ITPR1: variants seen among roughly 807,000 people sequenced by gnomAD.
ITPR1 encodes the protein inositol 1,4,5-trisphosphate-gated calcium channel ITPR1.
Under a neutral mutation model 318.4 loss-of-function variants are expected in ITPR1, and 96 were observed. The observed-to-expected ratio is 0.30, with a 90% CI of 0.26 to 0.36. The LOEUF (loss-of-function observed/expected upper bound fraction) is 0.36. Among genes scored for constraint, ITPR1 ranks in the 10% least tolerant of loss-of-function variants. The pLI is 1.00. For missense variants in ITPR1, 2,440 were observed against 3,460.2 expected, an observed-to-expected ratio of 0.71 and a Z score of 7.40; for synonymous variants, 1,312 against 1,289.9, an observed-to-expected ratio of 1.02 and a Z score of -0.37.
intron 60 of ITPR1, among the ~76,000 whole-genome samples, chr3:4,828,002 G>A (rs12491098): frequency 0.14 from 20,952 of 151,602 alleles, 1,671 homozygotes; most frequent in South Asian, 0.25. Flanking sequence ...GTGTCTAGGC[G>A]GGACTGACCT....
intron 39 of ITPR1, among the ~76,000 whole-genome samples, chr3:4,712,609 C>G (rs752967681): frequency 6.6e-6 from 1 of 152,234 alleles, no homozygotes; most frequent in African/African-American, 2.4e-5. Context: ...GCTGATATCA[C>G]TGACTTATCA....
At chr3:4,835,251 G>C (rs2050814245) in intron 60 of ITPR1, among the ~76,000 whole-genome samples, 1 of 152,090 alleles carries the variant, frequency 6.6e-6, no homozygotes, top group African/African-American at 2.4e-5. Flanking sequence ...TCAAGATACA[G>C]CTCAATGATC....
intron 2 of ITPR1, among the ~76,000 whole-genome samples, chr3:4,511,562 T>C (rs1274828401): frequency 6.6e-6 from 1 of 152,246 alleles, no homozygotes; most frequent in Non-Finnish European, 1.5e-5. Flanking sequence ...GCATGCCTAC[T>C]TCACGCCAGA....
intron 17 of ITPR1, among the ~76,000 whole-genome samples, chr3:4,666,771 C>T (rs939140182): frequency 6.6e-6 from 1 of 152,172 alleles, no homozygotes; most frequent in African/African-American, 2.4e-5. Flanking sequence ...AAGAGATTTC[C>T]TTGAGTTCAC....
chr3:4,752,235 C>G (rs2044586741), intron 44 of ITPR1, among the ~76,000 whole-genome samples: 2 of 152,202 alleles, frequency 1.3e-5, no homozygotes, highest in African/African-American at 2.4e-5. Context: ...AGCCTCCTTG[C>G]AACACAAACC....
intron 10 of ITPR1, 196 bp downstream of exon 10, chr3:4,645,924 C>G (rs1366520882): frequency 7.5e-6 from 4 of 530,892 alleles, no homozygotes; most frequent in Non-Finnish European, 1.3e-5. Context: ...GTACTTATAC[C>G]CACCTTATTC....
chr3:4,649,365 A>G (rs1377299627), intron 10 of ITPR1, among the ~76,000 whole-genome samples: 1 of 152,196 alleles, frequency 6.6e-6, no homozygotes, highest in African/African-American at 2.4e-5. Flanking sequence ...CTGGAAAGTC[A>G]AGTGCCCCTC....
chr3:4,512,386 C>A (rs933972261), intron 2 of ITPR1, among the ~76,000 whole-genome samples: 8 of 152,170 alleles, frequency 5.3e-5, no homozygotes, highest in Non-Finnish European at 1.2e-4. Context: ...GAATTACATG[C>A]TTTACAGGGT....
At chr3:4,538,304 C>T (rs2084068723) in intron 4 of ITPR1, among the ~76,000 whole-genome samples, 1 of 152,156 alleles carries the variant, frequency 6.6e-6, no homozygotes. Context: ...AAAAGCTCGA[C>T]ATCACTGATC....
intron 30 of ITPR1, 151 bp from the exon 31 acceptor site, chr3:4,688,344 C>A: frequency 1.2e-6 from 1 of 831,862 alleles, no homozygotes; most frequent in Non-Finnish European, 1.9e-6. Flanking sequence ...GGCTTCTTTT[C>A]AGCGTCAGCA....
At chr3:4,718,320 A>G (rs2125294644) in intron 40 of ITPR1, among the ~76,000 whole-genome samples, 1 of 152,384 alleles carries the variant, frequency 6.6e-6, no homozygotes, top group South Asian at 2.1e-4. Flanking sequence ...GATCTACTTC[A>G]GATCTCTGTT....
At chr3:4,704,940 T>C (rs9866934) in intron 36 of ITPR1, among the ~76,000 whole-genome samples, 43,034 of 151,852 alleles carry the variant, frequency 0.28, 6,921 homozygotes, top group Non-Finnish European at 0.38. Flanking sequence ...AATTGTTAAT[T>C]ATTTGTATTT....
intron 2 of ITPR1, among the ~76,000 whole-genome samples, chr3:4,505,123 G>A (rs967623357): frequency 2.6e-5 from 4 of 152,140 alleles, no homozygotes; most frequent in Non-Finnish European, 5.9e-5. Context: ...TGGCCTCTTG[G>A]CTTGCCAGGT....
At chr3:4,832,167 G>GC (rs948010835) in intron 60 of ITPR1, among the ~76,000 whole-genome samples, 1 of 152,056 alleles carries the variant, frequency 6.6e-6, no homozygotes, top group Admixed American at 6.5e-5. Context: ...AAGAATGCTT[G>GC]CCAGTGGGAT....
chr3:4,768,774 TG>T lies in ITPR1; in HGVS notation c.5979+15del. 5 of 1,602,776 alleles carry T rather than the reference TG, an allele frequency of 3.1e-6. No homozygotes were observed. Among genetic ancestry groups the T allele is most frequent in the South Asian group, 1.1e-5 (1 of 90,648 alleles). ...CAACCGAGACCTGCAGGTGAGGGCC[TG>T]GGGGTGGGGGCGTGGAGGGAGCTCG... On this transcript the variant is annotated intron_variant, in intron 46 of 61. Coordinates refer to ENST00000649015, the MANE Select transcript of ITPR1 (RefSeq NM_001378452.1).
At chr3:4,645,962 A>T in intron 10 of ITPR1, 1 of 486,344 alleles carries the variant, frequency 2.1e-6, no homozygotes, top group South Asian at 3.3e-5. Context: ...TGGCATAGTG[A>T]AGTAAGTGCA....
At chr3:4,842,325 T>C (rs1198191769) in intron 61 of ITPR1, among the ~76,000 whole-genome samples, 1 of 152,256 alleles carries the variant, frequency 6.6e-6, no homozygotes, top group African/African-American at 2.4e-5. Flanking sequence ...TACAACTGTT[T>C]ATCCTTAGCT....
intron 2 of ITPR1, among the ~76,000 whole-genome samples, chr3:4,496,102 G>A (rs959409445): frequency 6.6e-6 from 1 of 152,166 alleles, no homozygotes; most frequent in African/African-American, 2.4e-5. Context: ...TTAAGCATTA[G>A]GCTCACCTCC....
At chr3:4,744,380 G>A (rs1006816546) in intron 44 of ITPR1, among the ~76,000 whole-genome samples, 1 of 152,232 alleles carries the variant, frequency 6.6e-6, no homozygotes, top group Non-Finnish European at 1.5e-5. Context: ...ACTTCCGAGT[G>A]TGAGATGCCT....
Sources: gnomAD v4.1 joint callset for allele counts (sites outside exome capture counted in the v4.1 genomes callset) on GRCh38, gnomAD v4.1.1 for gene constraint, MANE v1.5 for transcripts, NCBI Gene and HGNC (gene_info 2026-07-23, HGNC 2026-07-21) for gene names.